LDLRAD4: variants seen among roughly 807,000 people sequenced by gnomAD.
LDLRAD4 encodes low-density lipoprotein receptor class A domain-containing protein 4.
LDLRAD4 carries 5 observed loss-of-function variants against 17.0 expected under a neutral mutation model. That is an observed-to-expected ratio of 0.29 (90% CI 0.15 to 0.62). LDLRAD4 has a LOEUF of 0.62. Ranked by LOEUF, LDLRAD4 falls within the 20% of genes least tolerant of loss-of-function variation. The pLI, the probability that LDLRAD4 is intolerant of heterozygous loss-of-function variation, is 0.84. For synonymous variants in LDLRAD4, 168 were observed against 171.8 expected (o/e 0.98, Z 0.17); for missense variants, 340 against 424.7 (o/e 0.80, Z 1.75).
intron 1 of LDLRAD4, among the ~76,000 whole-genome samples, chr18:13,271,402 G>T (rs2044531102): frequency 1.3e-5 from 2 of 152,180 alleles, no homozygotes; most frequent in African/African-American, 4.8e-5. Flanking sequence ...CCTGTAGAAG[G>T]CCCATTTCCC....
chr18:13,494,758 G>GCC (rs2093431676), intron 3 of LDLRAD4, among the ~76,000 whole-genome samples: 12 of 146,596 alleles, frequency 8.2e-5, no homozygotes, highest in African/African-American at 3.0e-4. Context: ...AATTAAGGAA[G>GCC]TTTGGGTGCC....
intron 4 of LDLRAD4, among the ~76,000 whole-genome samples, chr18:13,631,135 G>A (rs1039708049): frequency 1.3e-5 from 2 of 152,236 alleles, no homozygotes; most frequent in Admixed American, 1.3e-4. Flanking sequence ...GTAAGTCATG[G>A]CTGCAGACGA....
rs1428138936 is a variant in LDLRAD4, at chr18:13,324,659, A to G, written c.-383+46471A>G. Among the ~76,000 whole-genome samples the G allele has an allele frequency of 3.3e-5, 5 of 152,246 alleles. No individual in the cohort carries two copies. The East Asian group carries it at 9.7e-4, about 29-fold the overall frequency. Reference sequence around the variant, plus strand: ...GCGTGGGCTGCTGCTGATGATCTGGAACCTCCAGTCCCTGTCTGCTGTAAA... The same window carrying G: ...GCGTGGGCTGCTGCTGATGATCTGGGACCTCCAGTCCCTGTCTGCTGTAAA... On this transcript the variant is annotated intron_variant, in intron 1 of 5. Coordinates refer to ENST00000359446, the Ensembl canonical transcript of LDLRAD4.
chr18:13,238,017 T>A (rs566850143), intron 1 of LDLRAD4, among the ~76,000 whole-genome samples: 12 of 152,276 alleles, frequency 7.9e-5, no homozygotes, highest in African/African-American at 2.9e-4. Context: ...GTGCTTGGGC[T>A]GATTGTGAAG....
chr18:13,547,782 T>C (rs1236639660), intron 3 of LDLRAD4, among the ~76,000 whole-genome samples: 1 of 152,194 alleles, frequency 6.6e-6, no homozygotes, highest in East Asian at 1.9e-4. Flanking sequence ...CAGCCCTGGC[T>C]CAGGGAGCTC....
chr18:13,544,186 G>A (rs554985356), intron 3 of LDLRAD4, among the ~76,000 whole-genome samples: 3 of 152,340 alleles, frequency 2.0e-5, no homozygotes, highest in East Asian at 1.9e-4. Flanking sequence ...AGTGAAAAAC[G>A]TGTTGATTGC....
At chr18:13,312,282 A>G (rs1310467023) in intron 1 of LDLRAD4, among the ~76,000 whole-genome samples, 1 of 152,214 alleles carries the variant, frequency 6.6e-6, no homozygotes, top group Non-Finnish European at 1.5e-5. Flanking sequence ...TGAAACATAA[A>G]TGAATTTTCT....
intron 2 of LDLRAD4, among the ~76,000 whole-genome samples, chr18:13,417,526 G>A (rs928344743): frequency 2.7e-5 from 4 of 150,778 alleles, no homozygotes; most frequent in African/African-American, 9.8e-5. Flanking sequence ...TCTGCCTCCC[G>A]GGTTCACGCC....
intron 2 of LDLRAD4, among the ~76,000 whole-genome samples, chr18:13,424,002 G>T (rs149264921): frequency 6.6e-6 from 1 of 152,134 alleles, no homozygotes; most frequent in Non-Finnish European, 1.5e-5. Context: ...GGGCGTGGTG[G>T]CATGTGCCTG....
chr18:13,229,347 A>G (rs534445493), intron 1 of LDLRAD4, among the ~76,000 whole-genome samples: 12 of 152,196 alleles, frequency 7.9e-5, no homozygotes, highest in Non-Finnish European at 1.8e-4. Context: ...TTCACCTCTG[A>G]AATAGCTGTT....
chr18:13,541,815 G>A (rs1270744736), intron 3 of LDLRAD4, among the ~76,000 whole-genome samples: 1 of 152,200 alleles, frequency 6.6e-6, no homozygotes, highest in African/African-American at 2.4e-5. Context: ...CACTTTGGGA[G>A]ACCAAGCCAG....
intron 3 of LDLRAD4, among the ~76,000 whole-genome samples, chr18:13,466,568 G>A (rs945712352): frequency 6.6e-6 from 1 of 151,504 alleles, no homozygotes; most frequent in East Asian, 1.9e-4. Flanking sequence ...CACAGAAAAG[G>A]CATTTGACAA....
chr18:13,414,985 A>G lies in LDLRAD4; in HGVS notation c.41-23259A>G, dbSNP rs569361487. Among the ~76,000 whole-genome samples the G allele has an allele frequency of 3.9e-5, 6 of 152,364 alleles. No individual in the cohort carries two copies. In the South Asian group the frequency reaches 1.2e-3, roughly 32 times the overall value. On this transcript the variant is annotated intron_variant, in intron 2 of 5. Transcript: ENST00000359446. ...TTCAAACTGGAGATGTCCAGTGCTT[A>G]CAGATACCTAAAGATTGCTGTGTAG...
chr18:13,350,138 A>G (rs1425549837), intron 1 of LDLRAD4, among the ~76,000 whole-genome samples: 1 of 152,188 alleles, frequency 6.6e-6, no homozygotes, highest in Non-Finnish European at 1.5e-5. Context: ...TTCTTTGGGT[A>G]TATACCTAGT....
At chr18:13,611,365 T>G (rs769119307) in intron 3 of LDLRAD4, 127 of 581,126 alleles carry the variant, frequency 2.2e-4, no homozygotes, top group Admixed American at 1.0e-3. Context: ...TGGGGGTTAT[T>G]TGCAGCGTTA....
chr18:13,645,839 T>C lies in LDLRAD4; in HGVS notation c.*182T>C. ...TTGCATGCAAACTAGACTGAAATGATACAAACTTCCATCTGGTCTGACCGC... is the reference window on the plus strand; with the variant it reads ...TTGCATGCAAACTAGACTGAAATGACACAAACTTCCATCTGGTCTGACCGC... On this transcript the variant is annotated 3_prime_UTR_variant, in exon 6 of 6. Transcript: ENST00000359446. This position sits in a 1 kb window ranked among gnomAD's most constrained non-coding sequence, Gnocchi z 5.7. The C allele has an allele frequency of 2.2e-6, 1 of 454,868 alleles. No homozygotes were observed. Among genetic ancestry groups the C allele is most frequent in the Non-Finnish European group, 3.7e-6 (1 of 266,914 alleles). 28.2% of individuals were successfully genotyped at this position (454,868 alleles called of 1,614,324 possible). A position where few individuals can be genotyped will look rare whatever the true frequency, so the allele number is the denominator to read the frequency against.
intron 3 of LDLRAD4, chr18:13,470,711 G>A (rs1264881359): frequency 6.6e-6 from 1 of 151,452 alleles, no homozygotes; most frequent in Non-Finnish European, 1.5e-5. Flanking sequence ...TATGGGCCTG[G>A]ATGAGGGTGC....
intron 1 of LDLRAD4, among the ~76,000 whole-genome samples, chr18:13,286,926 C>T (rs1313844984): frequency 5.3e-5 from 8 of 152,150 alleles, no homozygotes; most frequent in Admixed American, 5.2e-4. Context: ...TGCAGAGTGA[C>T]TTTTGGGCTT....
At chr18:13,515,403 A>T (rs1276098731) in intron 3 of LDLRAD4, 3 of 152,230 alleles carry the variant, frequency 2.0e-5, no homozygotes, top group African/African-American at 7.2e-5. Flanking sequence ...TTTGAATGTA[A>T]CTTTGAAGCC....
Sources: gnomAD v4.1 joint callset for allele counts (sites outside exome capture counted in the v4.1 genomes callset) on GRCh38, gnomAD v4.1.1 for gene constraint, Gnocchi (gnomAD v3.1) non-coding constraint, MANE v1.5 for transcripts, NCBI Gene and HGNC (gene_info 2026-07-23, HGNC 2026-07-21) for gene names.